TPGS2: variants seen among roughly 807,000 people sequenced by gnomAD.
The protein encoded by TPGS2 is polyglutamylase subunit 2.
Under a neutral mutation model 31.1 loss-of-function variants are expected in TPGS2, and 26 were observed. The observed-to-expected ratio is 0.84, with a 90% CI of 0.61 to 1.16. TPGS2 has a LOEUF of 1.16. TPGS2 is among the 50% of genes most tolerant of loss of function. TPGS2 has a pLI of 0.00. For missense variants in TPGS2, 351 were observed against 363.8 expected, an observed-to-expected ratio of 0.96 and a Z score of 0.29; for synonymous variants, 130 against 136.6, an observed-to-expected ratio of 0.95 and a Z score of 0.34.
At chr18:36,823,460 GTTT>G (rs919277214) in intron 1 of TPGS2, among the ~76,000 whole-genome samples, 2 of 108,104 alleles carry the variant, frequency 1.9e-5, no homozygotes, top group African/African-American at 3.8e-5. Context: ...TTAACAGCTT[GTTT>G]TTTTTTTTTT....
At chr18:36,784,864 A>G (rs2044093551) in intron 6 of TPGS2, among the ~76,000 whole-genome samples, 1 of 152,160 alleles carries the variant, frequency 6.6e-6, no homozygotes, top group Non-Finnish European at 1.5e-5. Context: ...TTGAATATCA[A>G]TAGTCAGCTA....
downstream of TPGS2, among the ~76,000 whole-genome samples, chr18:36,793,739 CTT>C (rs60074186): frequency 2.7e-5 from 4 of 146,238 alleles, no homozygotes; most frequent in Non-Finnish European, 1.5e-5. Context: ...TTTTCTTTTT[CTT>C]TTTTTTTTTT....
intron 1 of TPGS2, among the ~76,000 whole-genome samples, chr18:36,826,254 T>C (rs375068348): frequency 1.9e-4 from 29 of 152,304 alleles, no homozygotes; most frequent in African/African-American, 7.0e-4. Context: ...CTGCAACTCC[T>C]GGTCTCAAGC....
intron 2 of TPGS2, among the ~76,000 whole-genome samples, chr18:36,808,626 A>G (rs2045280004): frequency 6.6e-6 from 1 of 151,996 alleles, no homozygotes; most frequent in Non-Finnish European, 1.5e-5. Context: ...TGACAAAGAG[A>G]GACTCCATCT....
Position 36,796,083 on chromosome 18 carries a change from C to A in TPGS2, c.*722G>T. On this transcript the variant is annotated 3_prime_UTR_variant, in exon 7 of 7. Transcript: ENST00000334295. ...CTTCACTGGAAACTGATGAGGAAGA[C>A]AAACTTTATAGGAAGCTGCAAAAGA... The A allele has an allele frequency of 1.0e-6, 1 of 985,372 alleles. No homozygotes were observed. Among genetic ancestry groups the A allele is most frequent in the Non-Finnish European group, 1.2e-6 (1 of 829,924 alleles). 61.0% of individuals were successfully genotyped at this position (985,372 alleles called of 1,614,324 possible). A position where few individuals can be genotyped will look rare whatever the true frequency, so the allele number is the denominator to read the frequency against.
At chr18:36,804,878 C>T (rs2045034952) in intron 4 of TPGS2, among the ~76,000 whole-genome samples, 1 of 152,072 alleles carries the variant, frequency 6.6e-6, no homozygotes, top group East Asian at 1.9e-4. Context: ...GCCGTTTACT[C>T]ATCTTTTTTC....
chr18:36,788,691 T>C (rs2044206800), intron 6 of TPGS2: 1 of 152,060 alleles, frequency 6.6e-6, no homozygotes, highest in South Asian at 2.1e-4. Context: ...CCTCAAAACA[T>C]GTTTTGTTTT....
Position 36,795,147 on chromosome 18 carries a change from C to T in TPGS2, c.*1658G>A, listed in dbSNP as rs751981137. Reference sequence around the variant, plus strand: ...GGAAAGTGGTAGGTGGAGGAGATATCGAAGGCGCTTTCTCATGAATATCTA... The same window carrying T: ...GGAAAGTGGTAGGTGGAGGAGATATTGAAGGCGCTTTCTCATGAATATCTA... On this transcript the variant is annotated 3_prime_UTR_variant, in exon 7 of 7. Transcript: ENST00000334295. 237 of 985,248 alleles carry T rather than the reference C, an allele frequency of 2.4e-4. No homozygotes were observed. The highest frequency in any genetic ancestry group is 2.8e-4 in the Non-Finnish European group (230 of 829,930). The allele number at this position is 985,248 out of a possible 1,614,324, so 61.0% of individuals were successfully genotyped here.
intron 2 of TPGS2, among the ~76,000 whole-genome samples, chr18:36,817,250 G>C (rs2045698000): frequency 6.6e-6 from 1 of 152,142 alleles, no homozygotes; most frequent in African/African-American, 2.4e-5. Context: ...AGCCCAGGGA[G>C]GGGAGTCAGG....
At chr18:36,806,262 T>G (rs1043952350) in intron 3 of TPGS2, among the ~76,000 whole-genome samples, 4 of 152,152 alleles carry the variant, frequency 2.6e-5, no homozygotes, top group African/African-American at 9.7e-5. Flanking sequence ...ATAAGAAGAC[T>G]GGGCTTGGGG....
At chr18:36,813,722 A>G in intron 2 of TPGS2, among the ~76,000 whole-genome samples, 1 of 152,236 alleles carries the variant, frequency 6.6e-6, no homozygotes, top group Non-Finnish European at 1.5e-5. Context: ...CAAATAGCTA[A>G]ATAGCTAGAA....
At chr18:36,799,955 T>C (rs1211140270) in intron 5 of TPGS2, among the ~76,000 whole-genome samples, 1 of 152,224 alleles carries the variant, frequency 6.6e-6, no homozygotes, top group Non-Finnish European at 1.5e-5. Context: ...TTTACTCCCA[T>C]ATTCTAATCT....
At chr18:36,808,016 T>G (rs1410167858) in intron 2 of TPGS2, 82 bp from the exon 3 acceptor site, 1 of 1,335,232 alleles carries the variant, frequency 7.5e-7, no homozygotes, top group Admixed American at 1.8e-5. Flanking sequence ...TGGGGACACG[T>G]TTAGCATGTT....
chr18:36,815,039 T>C (rs1380509002), intron 2 of TPGS2, among the ~76,000 whole-genome samples: 2 of 152,226 alleles, frequency 1.3e-5, no homozygotes, highest in African/African-American at 4.8e-5. Flanking sequence ...TGAATGTATT[T>C]ATGCAGCTGT....
In TPGS2 at chr18:36,828,937, G is replaced by A. The variant is rs1479228930; in HGVS notation, c.-170C>T. 9.2e-6 allele frequency: 9 copies of A among 983,138 alleles called. No individual in the cohort carries two copies. In the East Asian group the frequency reaches 2.3e-4, roughly 25 times the overall value. The allele number at this position is 983,138 out of a possible 1,614,324, so 60.9% of individuals were successfully genotyped here. On this transcript the variant is annotated 5_prime_UTR_variant, in exon 1 of 7. Coordinates refer to ENST00000334295, the MANE Select transcript of TPGS2 (RefSeq NM_015476.4). ...GGTCTGACAGCAGCAGCTCCGTGGG[G>A]CGCCGGTTCCCGCGGCCCCGCCCGG... is the stretch of plus-strand genomic sequence containing the variant.
downstream of TPGS2, chr18:36,781,889 G>A (rs891508208): frequency 2.0e-6 from 2 of 985,196 alleles, no homozygotes; most frequent in Non-Finnish European, 2.4e-6. Context: ...GCGAGAGTTG[G>A]GTCTGTACAT....
At chr18:36,798,408 G>C in intron 6 of TPGS2, 41 bp downstream of exon 6, 1 of 1,612,438 alleles carries the variant, frequency 6.2e-7, no homozygotes. Context: ...GTAGATTTTG[G>C]AATATACCAT....
intron 6 of TPGS2, chr18:36,798,150 G>A: frequency 8.4e-7 from 1 of 1,185,296 alleles, no homozygotes; most frequent in Non-Finnish European, 1.1e-6. Flanking sequence ...CTTCCTGGGT[G>A]CATGTACTGC....
downstream of TPGS2, among the ~76,000 whole-genome samples, chr18:36,782,538 T>C (rs1436530533): frequency 6.6e-6 from 1 of 152,228 alleles, no homozygotes; most frequent in African/African-American, 2.4e-5. Flanking sequence ...CCGATTCTAA[T>C]GTGAAGATAG....
Sources: allele counts gnomAD v4.1 joint callset (sites outside exome capture counted in the v4.1 genomes callset), GRCh38; gene constraint gnomAD v4.1.1; transcripts MANE v1.5; gene names NCBI Gene and HGNC (gene_info 2026-07-23, HGNC 2026-07-21).